The following TMEM164 variants were observed in gnomAD, a reference collection of about 807,000 sequenced individuals.
TMEM164 encodes the protein transmembrane protein 164.
TMEM164 carries 4 observed loss-of-function variants against 18.8 expected under a neutral mutation model. The ratio of observed to expected loss-of-function variants is 0.21; its 90% CI spans 0.10 to 0.49. The LOEUF (loss-of-function observed/expected upper bound fraction) is 0.49, where lower values mean the gene tolerates loss of function less well. Ranked by LOEUF, TMEM164 falls within the 20% of genes least tolerant of loss-of-function variation. TMEM164 has a pLI of 0.98. For missense variants in TMEM164, 108 were observed against 239.9 expected (o/e 0.45, Z 3.63); for synonymous variants, 86 against 101.7 (o/e 0.85, Z 0.93).
chrX:110,115,944 TGG>T (rs1314975847), intron 4 of TMEM164, among the ~76,000 whole-genome samples: 4 of 110,339 alleles, frequency 3.6e-5, no homozygotes, highest in Non-Finnish European at 5.7e-5. Context: ...AAAAAATAGC[TGG>T]GCGTGGTGGC....
intron 2 of TMEM164, among the ~76,000 whole-genome samples, chrX:110,026,996 C>G (rs1008852171): frequency 9.1e-6 from 1 of 110,383 alleles, no homozygotes; most frequent in African/African-American, 3.3e-5. Context: ...AGAACTTTGT[C>G]TCTTCCTTTG....
At position 110,069,720 on chromosome X, in the gene TMEM164, A is replaced by G. The variant is rs535383558; in HGVS notation, c.440+2324A>G. ...AGATGTGAGCCACTGCGCCCAGCCT[A>G]TACTGACTTTGTTGATGGAATATAT... On this transcript the variant is annotated intron_variant, in intron 3 of 6. Transcript: ENST00000372068. Among the ~76,000 whole-genome samples, 11 of 109,929 alleles carry G rather than the reference A, an allele frequency of 1.0e-4. No homozygotes were observed. The South Asian group carries it at 4.3e-3, about 43-fold the overall frequency.
At position 110,147,983 on chromosome X, in the gene TMEM164, T is replaced by G. The variant is rs1039380194; in HGVS notation, c.586+3107T>G. 2.7e-5 allele frequency among the ~76,000 whole-genome samples: 3 copies of G among 110,684 alleles called. No individual in the cohort carries two copies. The Admixed American group carries it at 2.9e-4, about 11-fold the overall frequency. On this transcript the variant is annotated intron_variant, in intron 5 of 6. Transcript: ENST00000372068. ...GCTCCTGAAAGTGTCTCACCTCCCTTGTCCCTTCCAACTGGGATCAGTGTC... is the reference window on the plus strand; with the variant it reads ...GCTCCTGAAAGTGTCTCACCTCCCTGGTCCCTTCCAACTGGGATCAGTGTC...
chrX:110,161,448 G>T (rs943305787), intron 5 of TMEM164, among the ~76,000 whole-genome samples: 1 of 111,655 alleles, frequency 9.0e-6, no homozygotes, highest in Non-Finnish European at 1.9e-5. Context: ...TAGTGGATGA[G>T]GGGGGACCTG....
chrX:110,030,440 AT>A (rs991166417), intron 2 of TMEM164, among the ~76,000 whole-genome samples: 19 of 97,358 alleles, frequency 2.0e-4, no homozygotes, highest in East Asian at 9.5e-4. Flanking sequence ...TTTTTTTAAC[AT>A]TTTTTTTCGT....
chrX:110,172,972 A>G (rs2067251228), intron 6 of TMEM164, among the ~76,000 whole-genome samples: 1 of 112,075 alleles, frequency 8.9e-6, no homozygotes, highest in African/African-American at 3.3e-5. Flanking sequence ...ATGCTCAGGA[A>G]TGGCAACAAG....
At chrX:110,166,790 G>T (rs1355838332) in intron 5 of TMEM164, among the ~76,000 whole-genome samples, 1 of 112,088 alleles carries the variant, frequency 8.9e-6, no homozygotes, top group Admixed American at 9.4e-5. Flanking sequence ...AAAAGGTTTT[G>T]TATGTTTAAT....
At chrX:110,084,382 A>ATATATATATAGTATAGTATATATATATAG (rs2065809903) in intron 3 of TMEM164, among the ~76,000 whole-genome samples, 1 of 29,331 alleles carries the variant, frequency 3.4e-5, no homozygotes, top group African/African-American at 3.4e-4. Context: ...TATATAGTGT[A>ATATATATATAGTATAGTATATATATATAG]TATATATATA....
intron 5 of TMEM164, among the ~76,000 whole-genome samples, chrX:110,154,397 A>G (rs767003642): frequency 9.0e-6 from 1 of 111,393 alleles, no homozygotes; most frequent in Non-Finnish European, 1.9e-5. Context: ...CACCAAGGTT[A>G]GGAGTCCCTT....
chrX:110,152,209 C>G (rs1438012995), intron 5 of TMEM164, among the ~76,000 whole-genome samples: 3 of 109,288 alleles, frequency 2.7e-5, no homozygotes, highest in African/African-American at 1.0e-4. Flanking sequence ...GCACGTGCCA[C>G]CACGCCCGGC....
intron 5 of TMEM164, among the ~76,000 whole-genome samples, chrX:110,159,611 T>TGGTAA (rs1447824955): frequency 9.1e-6 from 1 of 109,712 alleles, no homozygotes; most frequent in Non-Finnish European, 1.9e-5. Context: ...TAAAAGAAGG[T>TGGTAA]GGTAAGCTAA....
intron 3 of TMEM164, among the ~76,000 whole-genome samples, chrX:110,088,863 T>G (rs1358233960): frequency 8.9e-6 from 1 of 112,394 alleles, no homozygotes; most frequent in African/African-American, 3.2e-5. Context: ...ATGTCACCAT[T>G]GGGTAAAAGA....
At chrX:110,140,837 G>C (rs934461595) in intron 4 of TMEM164, among the ~76,000 whole-genome samples, 4 of 112,409 alleles carry the variant, frequency 3.6e-5, no homozygotes, top group Non-Finnish European at 7.5e-5. Context: ...GAGTTCTCTA[G>C]TGTGTAGAAA....
At chrX:110,053,176 C>T (rs1230656978) in intron 2 of TMEM164, among the ~76,000 whole-genome samples, 2 of 112,067 alleles carry the variant, frequency 1.8e-5, no homozygotes, top group Admixed American at 9.5e-5. Context: ...AATCTTTACT[C>T]TTGCCAACAG....
At chrX:110,058,729 G>A (rs1176561980) in intron 2 of TMEM164, among the ~76,000 whole-genome samples, 2 of 105,081 alleles carry the variant, frequency 1.9e-5, no homozygotes, top group African/African-American at 7.0e-5. Flanking sequence ...TGCCTCAGCA[G>A]GAGAAGTAAT....
chrX:110,005,248 T>C (rs1309275643), intron 2 of TMEM164, among the ~76,000 whole-genome samples: 1 of 112,209 alleles, frequency 8.9e-6, no homozygotes, highest in Non-Finnish European at 1.9e-5. Flanking sequence ...TTGAGATTAT[T>C]ATCTCCATTT....
chrX:110,043,880 A>G (rs916311264), intron 2 of TMEM164, among the ~76,000 whole-genome samples: 18 of 112,226 alleles, frequency 1.6e-4, no homozygotes, highest in Non-Finnish European at 3.0e-4. Flanking sequence ...TTGATAATAT[A>G]GTTAGGCTAT....
chrX:110,179,979 G>T (rs771564493), downstream of TMEM164, among the ~76,000 whole-genome samples: 1 of 112,203 alleles, frequency 8.9e-6, no homozygotes, highest in South Asian at 3.8e-4. Flanking sequence ...GCCTTTGTTT[G>T]CCCAGGCACC....
At chrX:110,110,033 G>A (rs2066269225) in intron 4 of TMEM164, among the ~76,000 whole-genome samples, 1 of 111,898 alleles carries the variant, frequency 8.9e-6, no homozygotes, top group African/African-American at 3.3e-5. Flanking sequence ...AGTGTACAAG[G>A]TTTTTCGCAT....
Sources: allele counts gnomAD v4.1 joint callset (sites outside exome capture counted in the v4.1 genomes callset), GRCh38; gene constraint gnomAD v4.1.1; transcripts MANE v1.5; gene names NCBI Gene and HGNC (gene_info 2026-07-23, HGNC 2026-07-21).